The following N4BP2L2 variants were observed in gnomAD, a reference collection of about 807,000 sequenced individuals.
N4BP2L2 encodes NEDD4-binding protein 2-like 2.
A neutral mutation model predicts 56.2 loss-of-function variants in N4BP2L2; 50 were observed. That is an observed-to-expected ratio of 0.89 (90% CI 0.71 to 1.13). The LOEUF (loss-of-function observed/expected upper bound fraction) is 1.13. N4BP2L2 is among the 50% of genes most tolerant of loss of function. N4BP2L2 has a pLI of 0.00. For synonymous variants in N4BP2L2, 203 were observed against 223.6 expected (o/e 0.91, Z 0.82); for missense variants, 689 against 693.8 (o/e 0.99, Z 0.08).
intron 1 of N4BP2L2, among the ~76,000 whole-genome samples, chr13:32,537,540 A>C (rs1301967340): frequency 6.6e-6 from 1 of 152,084 alleles, no homozygotes; most frequent in African/African-American, 2.4e-5. Flanking sequence ...TCAGACAACC[A>C]ATCTCCTTAG....
chr13:32,467,255 A>T (rs999506441), intron 6 of N4BP2L2, among the ~76,000 whole-genome samples: 3 of 149,258 alleles, frequency 2.0e-5, no homozygotes, highest in Non-Finnish European at 4.4e-5. Context: ...ATTATGAGAG[A>T]GGGGCATTTT....
intron 6 of N4BP2L2, among the ~76,000 whole-genome samples, chr13:32,452,866 T>A (rs1037758692): frequency 6.6e-6 from 1 of 152,140 alleles, no homozygotes; most frequent in Non-Finnish European, 1.5e-5. Context: ...CCAGTTCCAT[T>A]CAACATTGTA....
At chr13:32,499,066 C>G (rs912698353) in intron 6 of N4BP2L2, among the ~76,000 whole-genome samples, 3 of 151,668 alleles carry the variant, frequency 2.0e-5, no homozygotes, top group African/African-American at 7.3e-5. Context: ...CCGTTTCTTG[C>G]CTCTAAGCCT....
At chr13:32,460,034 C>T (rs963746453) in intron 6 of N4BP2L2, among the ~76,000 whole-genome samples, 1 of 152,038 alleles carries the variant, frequency 6.6e-6, no homozygotes, top group African/African-American at 2.4e-5. Context: ...CACATCACAT[C>T]GACAGAATGA....
intron 7 of N4BP2L2, among the ~76,000 whole-genome samples, chr13:32,441,501 T>C (rs1467382983): frequency 1.3e-5 from 2 of 150,674 alleles, no homozygotes; most frequent in South Asian, 2.1e-4. Context: ...CTGGCCAACA[T>C]GGTGAAACCC....
intron 6 of N4BP2L2, among the ~76,000 whole-genome samples, chr13:32,464,023 A>G (rs1298525040): frequency 6.6e-6 from 1 of 152,066 alleles, no homozygotes; most frequent in African/African-American, 2.4e-5. Context: ...TAACAACAAC[A>G]ACAAAAAAGA....
intron 3 of N4BP2L2, chr13:32,525,595 G>A (rs1364621614): frequency 2.6e-5 from 4 of 152,220 alleles, no homozygotes; most frequent in African/African-American, 9.7e-5. Context: ...CTTGAGTCCA[G>A]GAATTCGAGG....
At chr13:32,537,942 C>T (rs1231800450) in intron 1 of N4BP2L2, among the ~76,000 whole-genome samples, 5 of 151,832 alleles carry the variant, frequency 3.3e-5, no homozygotes, top group African/African-American at 1.2e-4. Flanking sequence ...TGGGGGCGCG[C>T]ACTTGTGGTC....
intron 6 of N4BP2L2, among the ~76,000 whole-genome samples, chr13:32,455,504 C>T (rs2078830552): frequency 2.0e-5 from 3 of 152,196 alleles, no homozygotes; most frequent in African/African-American, 4.8e-5. Flanking sequence ...GCAGTAATCC[C>T]GCCCTCTTCA....
Position 32,471,735 on chromosome 13 carries a change from G to A in N4BP2L2, c.366-27609C>T, listed in dbSNP as rs539041456. ...GCAGTGTGAGAGAGCTGCTGCGAGAGAGCTGCTGATGAGAGAGCTAGTGTG... is the reference window on the plus strand; with the variant it reads ...GCAGTGTGAGAGAGCTGCTGCGAGAAAGCTGCTGATGAGAGAGCTAGTGTG... On this transcript the variant is annotated intron_variant, in intron 6 of 9. Coordinates refer to the N4BP2L2 transcript ENST00000357505. Among the ~76,000 whole-genome samples the A allele has an allele frequency of 7.2e-5, 11 of 152,358 alleles. No homozygotes were observed. In the East Asian group the frequency reaches 2.1e-3, roughly 29 times the overall value.
intron 8 of N4BP2L2, among the ~76,000 whole-genome samples, chr13:32,436,763 C>T (rs2075528121): frequency 8.3e-6 from 1 of 119,802 alleles, no homozygotes; most frequent in South Asian, 2.8e-4. Flanking sequence ...GCACTCCAGC[C>T]TGGCTGAGAG....
At chr13:32,481,341 A>G (rs1010581614) in intron 6 of N4BP2L2, among the ~76,000 whole-genome samples, 1 of 152,050 alleles carries the variant, frequency 6.6e-6, no homozygotes, top group Admixed American at 6.6e-5. Flanking sequence ...TCTGCCAGCA[A>G]TGGCTCCTAA....
intron 6 of N4BP2L2, among the ~76,000 whole-genome samples, chr13:32,488,175 T>G (rs1252439961): frequency 6.6e-6 from 1 of 152,196 alleles, no homozygotes; most frequent in Non-Finnish European, 1.5e-5. Flanking sequence ...ACAGCTACGT[T>G]AGGTTGGATT....
At chr13:32,535,648 T>C in intron 2 of N4BP2L2, 121 bp downstream of exon 2, 2 of 1,043,580 alleles carry the variant, frequency 1.9e-6, no homozygotes, top group Non-Finnish European at 2.7e-6. Flanking sequence ...AAGTGACTGG[T>C]CCACCCTGGC....
At chr13:32,493,977 A>AG (rs2087826046) in intron 6 of N4BP2L2, among the ~76,000 whole-genome samples, 2 of 152,316 alleles carry the variant, frequency 1.3e-5, no homozygotes, top group South Asian at 4.1e-4. Flanking sequence ...CCTCATCTAT[A>AG]AAATGTGAGA....
chr13:32,463,536 C>T (rs547239972), intron 6 of N4BP2L2, among the ~76,000 whole-genome samples: 10 of 151,206 alleles, frequency 6.6e-5, no homozygotes, highest in African/African-American at 1.7e-4. Flanking sequence ...TGGTGGCAGG[C>T]GCCTGTAATC....
downstream of N4BP2L2, chr13:32,507,193 A>C (rs867445211): frequency 6.6e-6 from 1 of 152,206 alleles, no homozygotes; most frequent in Non-Finnish European, 1.5e-5. Context: ...ATAAAAGGTA[A>C]ATCCATTCAC....
chr13:32,518,413 T>C (rs935353556), intron 5 of N4BP2L2, among the ~76,000 whole-genome samples: 28 of 152,208 alleles, frequency 1.8e-4, no homozygotes, highest in Non-Finnish European at 3.7e-4. Flanking sequence ...ACAGTTGCTA[T>C]CACATTTTAA....
At chr13:32,433,751 C>G (rs2075104989) in intron 9 of N4BP2L2, among the ~76,000 whole-genome samples, 1 of 151,326 alleles carries the variant, frequency 6.6e-6, no homozygotes, top group Non-Finnish European at 1.5e-5. Flanking sequence ...ATGGTGAAAC[C>G]CCGTCTCTAC....
Sources: gnomAD v4.1 joint callset for allele counts (sites outside exome capture counted in the v4.1 genomes callset) on GRCh38, gnomAD v4.1.1 for gene constraint, MANE v1.5 for transcripts, NCBI Gene and HGNC (gene_info 2026-07-23, HGNC 2026-07-21) for gene names.